DOCK9: variants seen among roughly 807,000 people sequenced by gnomAD.
DOCK9 encodes the protein dedicator of cytokinesis 9.
In DOCK9, 89 loss-of-function variants were observed where a neutral mutation model predicts 263.3. That is an observed-to-expected ratio of 0.34 (90% confidence interval 0.28 to 0.40). The LOEUF is 0.40. DOCK9 is among the 10% of genes least tolerant of loss of function. The pLI, the probability that DOCK9 is intolerant of heterozygous loss-of-function variation, is 1.00. For missense variants in DOCK9, 2,140 were observed against 2,603.4 expected, an observed-to-expected ratio of 0.82 and a Z score of 3.87; for synonymous variants, 976 against 973.1, an observed-to-expected ratio of 1.00 and a Z score of -0.06.
rs755362899 is a variant in DOCK9 at position 98,914,361 on chromosome 13, G to A, written c.927C>T (p.Ser309=). The part of the protein sequence containing the change: ...DEQSKLEGSG[S]GLDSYLPELA... ...GTTCCGGCAGGTAGCTATCTAAACCGGAACCAGAACCTTCCAATTTGCTTT... is the reference window on the plus strand; with the variant it reads ...GTTCCGGCAGGTAGCTATCTAAACCAGAACCAGAACCTTCCAATTTGCTTT... The change falls in exon 9 of 53, where the codon TCC becomes TCT. Residue 309 remains serine, a synonymous_variant. Coordinates refer to ENST00000682017, the MANE Select transcript of DOCK9 (RefSeq NM_001366683.2). 35 of 1,609,562 alleles carry A rather than the reference G, an allele frequency of 2.2e-5. No individual in the cohort carries two copies. The highest frequency in any genetic ancestry group is 1.6e-4 in the South Asian group (14 of 89,720).
chr13:98,898,932 T>C (rs1182006682), intron 13 of DOCK9, among the ~76,000 whole-genome samples: 1 of 152,344 alleles, frequency 6.6e-6, no homozygotes, highest in Non-Finnish European at 1.5e-5. Context: ...TCTATACCCC[T>C]ATTGCTAAAA....
intron 45 of DOCK9, among the ~76,000 whole-genome samples, chr13:98,823,731 T>C (rs901503447): frequency 6.6e-6 from 1 of 152,240 alleles, no homozygotes; most frequent in African/African-American, 2.4e-5. Flanking sequence ...TTTATTCAAA[T>C]ATCTAGTTTT....
Position 98,903,007 on chromosome 13 carries a change from A to G in DOCK9, c.1141T>C (p.Cys381Arg). 6.5e-7 allele frequency: 1 copy of G among 1,531,144 alleles called. No individual in the cohort carries two copies. Among genetic ancestry groups the G allele is most frequent in the Non-Finnish European group, 8.8e-7 (1 of 1,141,432 alleles). The allele number at this position is 1,531,144 out of a possible 1,614,324, so 94.8% of individuals were successfully genotyped here. The change falls in exon 11 of 53, where the codon TGT (cysteine) becomes CGT (arginine). Residue 381 changes from cysteine (C) to arginine (R), a missense_variant. Around this residue, in one of 2 missense-constraint regions of DOCK9, gnomAD observed 1,521 missense variants for 1,741.7 expected, o/e 0.87. Transcript: ENST00000682017. ...GGTCCTTCTTCATTTTCGGCAACACAGCATTGCAAATTGAAAGATAAATCA... is the reference window on the plus strand; with the variant it reads ...GGTCCTTCTTCATTTTCGGCAACACGGCATTGCAAATTGAAAGATAAATCA... ...CNDLSFNLQC[C>R]VAENEEGPTT...
chr13:98,870,156 TG>T (rs1207474168), intron 27 of DOCK9, among the ~76,000 whole-genome samples: 3 of 152,230 alleles, frequency 2.0e-5, no homozygotes, highest in Non-Finnish European at 4.4e-5. Flanking sequence ...ATTTCTGACA[TG>T]ACAGCAGGCA....
chr13:98,824,631 C>G, intron 44 of DOCK9, 127 bp from the exon 45 acceptor site: 1 of 815,598 alleles, frequency 1.2e-6, no homozygotes, highest in Non-Finnish European at 2.0e-6. Flanking sequence ...TCTTAGGCAC[C>G]AGGCCAGCAT....
chr13:99,057,243 A>G (rs1425027125), intron 1 of DOCK9, among the ~76,000 whole-genome samples: 1 of 152,188 alleles, frequency 6.6e-6, no homozygotes, highest in East Asian at 1.9e-4. Context: ...GTCACTTGCA[A>G]CCAAGAGTCC....
rs553928772 is a variant in DOCK9, at chr13:98,872,713, T to C, written c.2944-4336A>G. Among the ~76,000 whole-genome samples the C allele has an allele frequency of 1.4e-4, 21 of 152,266 alleles. No individual in the cohort carries two copies. The South Asian group carries it at 4.4e-3, about 32-fold the overall frequency. On this transcript the variant is annotated intron_variant, in intron 27 of 52. Transcript: ENST00000682017. ...GAACCATTGCGCCCAGCCTACAAAC[T>C]CCATTCTTCCTACCTCTTCATCATT...
chr13:98,909,478 T>C (rs1455174888), intron 9 of DOCK9, among the ~76,000 whole-genome samples: 1 of 152,326 alleles, frequency 6.6e-6, no homozygotes, highest in Non-Finnish European at 1.5e-5. Flanking sequence ...AAACAATGTG[T>C]TGAATGTTGG....
chr13:98,972,843 C>T (rs1241906948), intron 1 of DOCK9, among the ~76,000 whole-genome samples: 1 of 152,160 alleles, frequency 6.6e-6, no homozygotes, highest in Admixed American at 6.5e-5. Flanking sequence ...GAGGAATGAA[C>T]CCCTTCCTTC....
chr13:98,828,065 C>T (rs1315332698), intron 43 of DOCK9, among the ~76,000 whole-genome samples: 1 of 152,132 alleles, frequency 6.6e-6, no homozygotes, highest in Non-Finnish European at 1.5e-5. Flanking sequence ...GCTATGCGAC[C>T]ACGGAGGCAG....
intron 3 of DOCK9, among the ~76,000 whole-genome samples, chr13:98,927,437 C>T (rs2053153923): frequency 6.6e-6 from 1 of 152,116 alleles, no homozygotes; most frequent in Non-Finnish European, 1.5e-5. Context: ...TGATCCTATT[C>T]TCTTCAAAGA....
intron 45 of DOCK9, among the ~76,000 whole-genome samples, chr13:98,820,276 C>T (rs1211013128): frequency 6.6e-6 from 1 of 152,188 alleles, no homozygotes; most frequent in Non-Finnish European, 1.5e-5. Context: ...ATGTAACTTA[C>T]ACATGGCAGT....
intron 1 of DOCK9, among the ~76,000 whole-genome samples, chr13:98,990,589 G>T (rs1358697334): frequency 3.9e-5 from 6 of 152,184 alleles, no homozygotes; most frequent in African/African-American, 1.4e-4. Context: ...GAGACTTAAG[G>T]CGACCACAAG....
chr13:98,803,511 G>A (rs1410565975), intron 49 of DOCK9, among the ~76,000 whole-genome samples: 3 of 152,168 alleles, frequency 2.0e-5, no homozygotes, highest in Middle Eastern at 3.2e-3. Context: ...CAGCAGTTTC[G>A]GAGGTGGGGA....
At chr13:98,833,748 C>T (rs939280877) in intron 39 of DOCK9, among the ~76,000 whole-genome samples, 1 of 152,204 alleles carries the variant, frequency 6.6e-6, no homozygotes, top group East Asian at 1.9e-4. Context: ...AGACACACCC[C>T]GGTTTCCTAA....
chr13:98,897,147 T>A (rs2047564445), intron 15 of DOCK9, among the ~76,000 whole-genome samples: 1 of 152,214 alleles, frequency 6.6e-6, no homozygotes, highest in Non-Finnish European at 1.5e-5. Context: ...GACTTGAATT[T>A]GTCCCCTTCT....
intron 1 of DOCK9, among the ~76,000 whole-genome samples, chr13:99,001,467 C>T (rs528005516): frequency 6.6e-6 from 1 of 152,256 alleles, no homozygotes; most frequent in East Asian, 1.9e-4. Flanking sequence ...CCATACAAGC[C>T]CTTTGTGGCT....
chr13:99,056,159 C>T (rs996600243), intron 1 of DOCK9, among the ~76,000 whole-genome samples: 3 of 152,086 alleles, frequency 2.0e-5, no homozygotes, highest in Non-Finnish European at 2.9e-5. Context: ...TTCCTGTAAA[C>T]GGAGTGCCAA....
chr13:98,834,038 A>G (rs1001609030), intron 39 of DOCK9, among the ~76,000 whole-genome samples: 4 of 152,250 alleles, frequency 2.6e-5, no homozygotes, highest in African/African-American at 7.2e-5. Context: ...TAAATGACAT[A>G]TTAGAATAAT....
Sources: gnomAD v4.1 joint callset for allele counts (sites outside exome capture counted in the v4.1 genomes callset) on GRCh38, gnomAD v4.1.1 for gene constraint, gnomAD v4.1.1 regional missense constraint, MANE v1.5 for transcripts, NCBI Gene and HGNC (gene_info 2026-07-23, HGNC 2026-07-21) for gene names.